Variants in VIPR2 observed in about 807,000 individuals in gnomAD.
VIPR2 encodes the protein vasoactive intestinal polypeptide receptor 2.
A neutral mutation model predicts 58.0 loss-of-function variants in VIPR2; 48 were observed. The ratio of observed to expected loss-of-function variants is 0.83; its 90% CI spans 0.66 to 1.05. The LOEUF (loss-of-function observed/expected upper bound fraction) is 1.05, where lower values mean the gene tolerates loss of function less well. Among genes scored for constraint, VIPR2 ranks in the 50% least tolerant of loss-of-function variants. The probability of loss-of-function intolerance (pLI) is 0.00; values close to 1 mark genes in which losing one functional copy is unlikely to be tolerated. For missense variants in VIPR2, 534 were observed against 558.0 expected (o/e 0.96, Z 0.43); for synonymous variants, 243 against 235.2 (o/e 1.03, Z -0.30).
chr7:159,034,136 C>T (rs1464034222), intron 10 of VIPR2, 77 bp downstream of exon 10: 4 of 1,486,920 alleles, frequency 2.7e-6, no homozygotes, highest in Admixed American at 3.5e-5. Context: ...CCTCCAGGGC[C>T]TTCCTGGCAG....
intron 5 of VIPR2, among the ~76,000 whole-genome samples, chr7:159,057,885 A>G (rs1855413833): frequency 2.0e-5 from 3 of 152,226 alleles, no homozygotes; most frequent in African/African-American, 7.2e-5. Flanking sequence ...CCTCACTGCC[A>G]GGGAAGAGTG....
chr7:159,062,231 G>A (rs1259143837), intron 4 of VIPR2, among the ~76,000 whole-genome samples: 1 of 152,214 alleles, frequency 6.6e-6, no homozygotes, highest in Non-Finnish European at 1.5e-5. Context: ...GCAAGTCACA[G>A]CCACAGCAGC....
intron 4 of VIPR2, among the ~76,000 whole-genome samples, chr7:159,088,414 C>A (rs995511958): frequency 6.6e-6 from 1 of 151,926 alleles, no homozygotes; most frequent in African/African-American, 2.4e-5. Context: ...GCTGTTCATC[C>A]GCACACATGC....
intron 5 of VIPR2, 35 bp from the exon 6 acceptor site, chr7:159,043,211 G>A: frequency 3.2e-6 from 5 of 1,567,426 alleles, no homozygotes; most frequent in East Asian, 2.3e-5. Flanking sequence ...AGGAATTGGA[G>A]GGGGAAGGGG....
Position 159,109,899 on chromosome 7 carries a change from T to C in VIPR2, c.172A>G (p.Asn58Asp), listed in dbSNP as rs779009699. Residue 58 changes from asparagine (N) to aspartate (D), a missense_variant, in exon 3 of 13, where the codon AAC becomes GAC. Around this residue, in one of 3 missense-constraint regions of VIPR2, gnomAD observed 224 missense variants for 255.7 expected, o/e 0.88. Coordinates refer to ENST00000262178, the MANE Select transcript of VIPR2 (RefSeq NM_003382.5). ...TTGGCAGGCCGCCAGCACGTGATGT[T>C]GTCCCAGACGCCACTGCAGGCTGGA... ...KHKACSGVWD[N>D]ITCWRPANVG... is the part of the protein sequence containing the mutation. 6.2e-7 allele frequency: 1 copy of C among 1,613,922 alleles called. No homozygotes were observed. Among genetic ancestry groups the C allele is most frequent in the South Asian group, 1.1e-5 (1 of 91,088 alleles).
In VIPR2 at chr7:159,100,898, G is replaced by A. The variant is rs368476901; in HGVS notation, c.357+2859C>T. ...GGGTCTCACGAGATCCGACAAGGCC[G>A]TTCCCCCGACTGTTCCTGTGGTAGT... On this transcript the variant is annotated intron_variant, in intron 4 of 12. Transcript: ENST00000262178. Among the ~76,000 whole-genome samples the A allele has an allele frequency of 6.0e-5, 9 of 150,298 alleles. No individual in the cohort carries two copies. In the South Asian group the frequency reaches 1.1e-3, roughly 18 times the overall value.
chr7:159,094,985 C>T (rs1199686089), intron 4 of VIPR2, among the ~76,000 whole-genome samples: 1 of 152,148 alleles, frequency 6.6e-6, no homozygotes, highest in Non-Finnish European at 1.5e-5. Flanking sequence ...CCTGGCAGAT[C>T]TCCTGAACCT....
At chr7:159,032,272 C>T (rs1853642608) in intron 10 of VIPR2, among the ~76,000 whole-genome samples, 1 of 152,216 alleles carries the variant, frequency 6.6e-6, no homozygotes, top group African/African-American at 2.4e-5. Flanking sequence ...CACTCAGGGC[C>T]TGGGAACGTG....
At chr7:159,032,230 C>A (rs1036361314) in intron 10 of VIPR2, among the ~76,000 whole-genome samples, 163 bp from the exon 11 acceptor site, 1 of 152,216 alleles carries the variant, frequency 6.6e-6, no homozygotes, top group Non-Finnish European at 1.5e-5. Flanking sequence ...TGTTTCTTTA[C>A]GTTTATGTCT....
rs772976425 is a variant in VIPR2, at chr7:159,036,819, G to A, written c.681C>T (p.Leu227=). The A allele has an allele frequency of 6.2e-6, 10 of 1,613,868 alleles. No homozygotes were observed. Among genetic ancestry groups the A allele is most frequent in the Non-Finnish European group, 8.5e-6 (10 of 1,180,002 alleles). ...GGAGCATGGCCACCAGGAGGGTGTG[G>A]AGGTAGAGCCCCTCCACCAGCAGCC... ...FFWLLVEGLY[L]HTLLVAMLPP... The change falls in exon 7 of 13, where the codon CTC becomes CTT. Residue 227 remains leucine (L), a synonymous_variant. Transcript: ENST00000262178.
chr7:159,047,589 C>G (rs1854733279), intron 5 of VIPR2, among the ~76,000 whole-genome samples: 1 of 152,172 alleles, frequency 6.6e-6, no homozygotes, highest in African/African-American at 2.4e-5. Context: ...AAACAAGGGA[C>G]AGATATTTCC....
chr7:159,084,609 C>T lies in VIPR2; in HGVS notation c.357+19148G>A, dbSNP rs188846387. 1.0e-3 allele frequency among the ~76,000 whole-genome samples: 154 copies of T among 152,124 alleles called. 3 individuals carry two copies. In the East Asian group the frequency reaches 0.028, roughly 27 times the overall value. On this transcript the variant is annotated intron_variant, in intron 4 of 12. Transcript: ENST00000262178. The stretch of plus-strand genomic sequence containing the variant: ...GGCAAGGTCAGTCCCTGGTCAGTGT[C>T]TGCAGGGCCCCTGGCGGCGTGGCCT...
At chr7:159,033,425 G>T (rs1340456709) in intron 10 of VIPR2, among the ~76,000 whole-genome samples, 1 of 152,300 alleles carries the variant, frequency 6.6e-6, no homozygotes, top group East Asian at 1.9e-4. Context: ...TCTGGGCTGG[G>T]CCAACCACTT....
chr7:159,070,542 G>A (rs1318051732), intron 4 of VIPR2, among the ~76,000 whole-genome samples: 1 of 152,088 alleles, frequency 6.6e-6, no homozygotes, highest in Non-Finnish European at 1.5e-5. Context: ...ATTCATGGAC[G>A]CTTAATAGGA....
intron 4 of VIPR2, among the ~76,000 whole-genome samples, chr7:159,101,699 G>A (rs1858258773): frequency 1.4e-5 from 2 of 146,792 alleles, no homozygotes; most frequent in Non-Finnish European, 3.0e-5. Context: ...GAGATCCGAC[G>A]AGGCGGTTCC....
At chr7:159,130,159 A>AC (rs1469382592) in intron 2 of VIPR2, among the ~76,000 whole-genome samples, 1 of 152,186 alleles carries the variant, frequency 6.6e-6, no homozygotes, top group African/African-American at 2.4e-5. Flanking sequence ...ATTTAACCAT[A>AC]CCCCATCTTG....
In VIPR2 at chr7:159,039,509, A is replaced by T. The variant is rs901559737; in HGVS notation, c.598-2607T>A. On this transcript the variant is annotated intron_variant, in intron 6 of 12. Transcript: ENST00000262178. The stretch of plus-strand genomic sequence containing the variant: ...AAACAAAACAAAACAAAAAATAAAA[A>T]TATGCATGCCCTTTGCAATGGGCTG... Among the ~76,000 whole-genome samples, 11 of 152,162 alleles carry T rather than the reference A, an allele frequency of 7.2e-5. 1 individual carries two copies. Among genetic ancestry groups the T allele is most frequent in the Admixed American group, 2.0e-4 (3 of 15,270 alleles).
chr7:159,063,822 G>T (rs1282028786), intron 4 of VIPR2, among the ~76,000 whole-genome samples: 9 of 105,194 alleles, frequency 8.6e-5, no homozygotes, highest in African/African-American at 3.1e-4. Flanking sequence ...TCCTGGTGGG[G>T]TCCGGGGGTC....
At chr7:159,055,971 C>A (rs1157256133) in intron 5 of VIPR2, among the ~76,000 whole-genome samples, 4 of 152,194 alleles carry the variant, frequency 2.6e-5, no homozygotes, top group Non-Finnish European at 5.9e-5. Context: ...ATTTTGGAGG[C>A]CACGTCCATC....
Sources: allele counts gnomAD v4.1 joint callset (sites outside exome capture counted in the v4.1 genomes callset), GRCh38; gene constraint gnomAD v4.1.1; regional missense constraint gnomAD v4.1.1; transcripts MANE v1.5; gene names NCBI Gene and HGNC (gene_info 2026-07-23, HGNC 2026-07-21).